The following PRSS56 variants were observed in gnomAD, a reference collection of about 807,000 sequenced individuals.
PRSS56 encodes the protein protease, serine 56.
A neutral mutation model predicts 66.8 loss-of-function variants in PRSS56; 55 were observed. The observed-to-expected ratio is 0.82, with a 90% CI of 0.66 to 1.03. PRSS56 has a LOEUF of 1.03. Among genes scored for constraint, PRSS56 ranks in the 50% least tolerant of loss-of-function variants. The pLI, the probability that PRSS56 is intolerant of heterozygous loss-of-function variation, is 0.00. For missense variants in PRSS56, 869 were observed against 837.2 expected (o/e 1.04, Z -0.47); for synonymous variants, 409 against 387.9 (o/e 1.05, Z -0.64).
In PRSS56 at chr2:232,523,072, C is replaced by G; in HGVS notation, c.719C>G (p.Ala240Gly). 6.5e-7 allele frequency: 1 copy of G among 1,535,080 alleles called. No homozygotes were observed. The highest frequency in any genetic ancestry group is 8.7e-7 in the Non-Finnish European group (1 of 1,146,338). The change falls in exon 7 of 13, where the codon GCT becomes GGT. Residue 240 changes from alanine (A) to glycine (G), a missense_variant. This residue lies in a region of PRSS56 where 551 missense variants were observed against 506.9 expected (regional missense o/e 1.09). Coordinates refer to ENST00000617714, the MANE Select transcript of PRSS56 (RefSeq NM_001195129.2). The part of the protein sequence containing the change: ...WGALFEDGPE[A>G]EAVREARVPL... ...CCCTTCCCTGCAGACGGGCCTGAGG[C>G]TGAAGCAGTGAGAGAGGCCCGTGTT...
At chr2:232,522,184 C>A in intron 4 of PRSS56, 24 bp downstream of exon 4, 1 of 1,445,952 alleles carries the variant, frequency 6.9e-7, no homozygotes, top group Non-Finnish European at 9.1e-7. Context: ...CCAGGCCTTG[C>A]CCAGCTGGGG....
At position 232,523,335 on chromosome 2, in the gene PRSS56, T is replaced by C. The variant is rs530635808; in HGVS notation, c.850-81T>C. The C allele has an allele frequency of 3.8e-5, 54 of 1,423,846 alleles. 1 individual carries two copies. In the South Asian group the frequency reaches 8.1e-4, roughly 21 times the overall value. The allele number at this position is 1,423,846 out of a possible 1,614,324, so 88.2% of individuals were successfully genotyped here. A position where few individuals can be genotyped will look rare whatever the true frequency, so the allele number is the denominator to read the frequency against. On this transcript the variant is annotated intron_variant, in intron 7 of 12. Coordinates refer to ENST00000617714, the MANE Select transcript of PRSS56 (RefSeq NM_001195129.2). Reference sequence around the variant, plus strand: ...TCCTCATCCCTAAAATGGACACAAGTGGCAAGCTCACACCTGCCAGGCGTA... The same window carrying C: ...TCCTCATCCCTAAAATGGACACAAGCGGCAAGCTCACACCTGCCAGGCGTA...
chr2:232,525,597 C>T lies in PRSS56; in HGVS notation c.*91C>T. On this transcript the variant is annotated 3_prime_UTR_variant, in exon 13 of 13. Transcript: ENST00000617714. ...AGCATAATGACAAACTGTCGCTGCC[C>T]CAGTGGCTGGGTGTGTGTGGGTGGG... 9.3e-7 allele frequency: 1 copy of T among 1,071,624 alleles called. No homozygotes were observed. Among genetic ancestry groups the T allele is most frequent in the South Asian group, 1.9e-5 (1 of 53,820 alleles). The allele number at this position is 1,071,624 out of a possible 1,614,324, so 66.4% of individuals were successfully genotyped here. A position where few individuals can be genotyped will look rare whatever the true frequency, so the allele number is the denominator to read the frequency against.
chr2:232,521,906 G>C (rs763247010), intron 3 of PRSS56, 40 bp downstream of exon 3: 2 of 1,529,342 alleles, frequency 1.3e-6, no homozygotes, highest in Admixed American at 2.0e-5. Context: ...CCTGAGAGCC[G>C]GGTGGGCCTC....
At chr2:232,521,524 T>C (rs1691276757) in intron 2 of PRSS56, 96 bp downstream of exon 2, 3 of 1,019,120 alleles carry the variant, frequency 2.9e-6, no homozygotes, top group Admixed American at 4.0e-5. Flanking sequence ...CACTCTCCTC[T>C]TGGGGGCAGA....
At position 232,522,523 on chromosome 2, in the gene PRSS56, A is replaced by C; in HGVS notation, c.455A>C (p.Asn152Thr). The C allele has an allele frequency of 6.5e-7, 1 of 1,530,888 alleles. No homozygotes were observed. The highest frequency in any genetic ancestry group is 1.4e-5 in the African/African-American group (1 of 72,756). The allele number at this position is 1,530,888 out of a possible 1,614,324, so 94.8% of individuals were successfully genotyped here. The change falls in exon 5 of 13, where the codon AAT becomes ACT. Residue 152 changes from asparagine to threonine, a missense_variant. Asn to Thr is a moderately conservative substitution (Grantham distance 65). Around this residue, in one of 3 missense-constraint regions of PRSS56, gnomAD observed 315 missense variants for 313.7 expected, o/e 1.00. Coordinates refer to ENST00000617714, the MANE Select transcript of PRSS56 (RefSeq NM_001195129.2). ...TAAHCFVGAPNELLWTVTLAE... is the reference protein window; with the variant it reads ...TAAHCFVGAPTELLWTVTLAE... ...TGCCGCTCGACCCGCAGCGCCCCGA[A>C]TGAGCTTCTGTGGACTGTGACGCTG...
intron 4 of PRSS56, 145 bp downstream of exon 4, chr2:232,522,305 G>A (rs1691297988): frequency 3.3e-6 from 3 of 903,266 alleles, no homozygotes; most frequent in Non-Finnish European, 4.5e-6. Flanking sequence ...CCATCTCAAG[G>A]CGCCGCGCCC....
chr2:232,522,586 C>T lies in PRSS56; in HGVS notation c.518C>T (p.Pro173Leu). Residue 173 changes from proline (P) to leucine (L), a missense_variant, in exon 5 of 13, where the codon CCA (proline) becomes CTA (leucine). Coordinates refer to ENST00000617714, the MANE Select transcript of PRSS56 (RefSeq NM_001195129.2). ...CGGGGGGAGCAAGCGGAGGAGGTGC[C>T]AGTGAACCGCATCCTGCCCCACCCC... The part of the protein sequence containing the change: ...GSRGEQAEEV[P>L]VNRILPHPKF... 1 of 1,535,452 alleles carries T rather than the reference C, an allele frequency of 6.5e-7. No homozygotes were observed. The highest frequency in any genetic ancestry group is 8.7e-7 in the Non-Finnish European group (1 of 1,146,568).
In PRSS56 at chr2:232,525,676, T is replaced by C. The variant is rs1479907188; in HGVS notation, c.*170T>C. 1 of 546,782 alleles carries C rather than the reference T, an allele frequency of 1.8e-6. No individual in the cohort carries two copies. Among genetic ancestry groups the C allele is most frequent in the African/African-American group, 1.9e-5 (1 of 51,440 alleles). 33.9% of individuals were successfully genotyped at this position (546,782 alleles called of 1,614,324 possible). A position where few individuals can be genotyped will look rare whatever the true frequency, so the allele number is the denominator to read the frequency against. Reference sequence around the variant, plus strand: ...TCTTCCCAGGTTTACAATCAGAGAATCACAGCTGCTTTAATAAATGTTATT... The same window carrying C: ...TCTTCCCAGGTTTACAATCAGAGAACCACAGCTGCTTTAATAAATGTTATT... On this transcript the variant is annotated 3_prime_UTR_variant, in exon 13 of 13. Coordinates refer to ENST00000617714, the MANE Select transcript of PRSS56 (RefSeq NM_001195129.2).
At position 232,525,588 on chromosome 2, in the gene PRSS56, G is replaced by A; in HGVS notation, c.*82G>A. ...GGGTTCGGGAGCATAATGACAAACT[G>A]TCGCTGCCCCAGTGGCTGGGTGTGT... On this transcript the variant is annotated 3_prime_UTR_variant, in exon 13 of 13. Coordinates refer to ENST00000617714, the MANE Select transcript of PRSS56 (RefSeq NM_001195129.2). 2 of 1,190,410 alleles carry A rather than the reference G, an allele frequency of 1.7e-6. No homozygotes were observed. The highest frequency in any genetic ancestry group is 2.2e-6 in the Non-Finnish European group (2 of 894,162). The allele number at this position is 1,190,410 out of a possible 1,614,324, so 73.7% of individuals were successfully genotyped here. A position where few individuals can be genotyped will look rare whatever the true frequency, so the allele number is the denominator to read the frequency against.
chr2:232,523,239 C>T, intron 7 of PRSS56, 37 bp downstream of exon 7: 1 of 1,427,510 alleles, frequency 7.0e-7, no homozygotes, highest in Non-Finnish European at 9.1e-7. Flanking sequence ...GCCGGCTGAG[C>T]CTTCCCAGGG....
chr2:232,522,957 C>T (rs1365834792), intron 6 of PRSS56, 96 bp downstream of exon 6: 1 of 1,451,674 alleles, frequency 6.9e-7, no homozygotes, highest in African/African-American at 1.4e-5. Context: ...AAAATGCTGC[C>T]TGCTCTTTCA....
Position 232,525,352 on chromosome 2 carries a change from G to A in PRSS56, c.1658G>A (p.Arg553Gln), listed in dbSNP as rs973130646. 19 of 1,531,388 alleles carry A rather than the reference G, an allele frequency of 1.2e-5. No individual in the cohort carries two copies. Among genetic ancestry groups the A allele is most frequent in the African/African-American group, 2.7e-5 (2 of 72,918 alleles). 94.9% of individuals were successfully genotyped at this position (1,531,388 alleles called of 1,614,324 possible). Reference protein sequence around the residue: ...EPATLARSLPRLLVQALQAFR... With the variant: ...EPATLARSLPQLLVQALQAFR... ...GCCACACTGGCTCGCAGCCTCCCCC[G>A]GCTGCTGGTGCAGGCCCTGCAGGCC... The change falls in exon 13 of 13, where the codon CGG (arginine) becomes CAG (glutamine). Residue 553 changes from arginine to glutamine, a missense_variant. Physicochemically the swap from Arg to Gln is conservative, Grantham distance 43. Around this residue, in one of 3 missense-constraint regions of PRSS56, gnomAD observed 551 missense variants for 506.9 expected, o/e 1.09. Transcript: ENST00000617714.
At position 232,523,404 on chromosome 2, in the gene PRSS56, T is replaced by C; in HGVS notation, c.850-12T>C. On this transcript the variant is annotated splice_polypyrimidine_tract_variant and intron_variant, in intron 7 of 12. Coordinates refer to ENST00000617714, the MANE Select transcript of PRSS56 (RefSeq NM_001195129.2). Reference sequence around the variant, plus strand: ...GCAGGTGAATGCAGCGTCCTCTCTCTTGGCCCCGCAGGGTGACTCGGGAGG... The same window carrying C: ...GCAGGTGAATGCAGCGTCCTCTCTCCTGGCCCCGCAGGGTGACTCGGGAGG... The C allele has an allele frequency of 7.0e-7, 1 of 1,438,480 alleles. No individual in the cohort carries two copies. The allele number at this position is 1,438,480 out of a possible 1,614,324, so 89.1% of individuals were successfully genotyped here.
chr2:232,522,080 G>A lies in PRSS56; in HGVS notation c.366G>A (p.Leu122=). The A allele has an allele frequency of 6.6e-7, 1 of 1,517,130 alleles. No individual in the cohort carries two copies. Among genetic ancestry groups the A allele is most frequent in the Non-Finnish European group, 8.8e-7 (1 of 1,139,186 alleles). The allele number at this position is 1,517,130 out of a possible 1,614,324, so 94.0% of individuals were successfully genotyped here. The part of the protein sequence containing the change: ...PPGAWPWLVR[L]QLGGQPLCGG... ...GGGCCTGGCCCTGGCTGGTGAGGCT[G>A]CAGCTCGGCGGGCAGCCTCTGTGCG... Residue 122 remains leucine (L), a synonymous_variant, in exon 4 of 13, where the codon CTG becomes CTA. Transcript: ENST00000617714.
In PRSS56 at chr2:232,521,361, G is replaced by A. The variant is rs529445698; in HGVS notation, c.138G>A (p.Gln46=). 1 of 1,536,154 alleles carries A rather than the reference G, an allele frequency of 6.5e-7. No individual in the cohort carries two copies. The highest frequency in any genetic ancestry group is 1.4e-5 in the African/African-American group (1 of 73,182). The change falls in exon 2 of 13, where the codon CAG becomes CAA. Residue 46 remains glutamine, a synonymous_variant. Transcript: ENST00000617714. ...GGACTCAGGCGTTGCAGGCAGCCCA[G>A]AGGAGCGCCCAGTGGGCAATAAACC... The part of the protein sequence containing the change: ...AQGTQALQAA[Q]RSAQWAINRV...
chr2:232,522,289 G>C (rs1691297588), intron 4 of PRSS56, 129 bp downstream of exon 4: 1 of 1,001,378 alleles, frequency 1.0e-6, no homozygotes. Flanking sequence ...CCGGCCCCGG[G>C]CTTCCCCATC....
Position 232,523,960 on chromosome 2 carries a change from C to CCCGGA in PRSS56, c.1186+18_1186+22dup. 1 of 1,515,156 alleles carries CCCGGA rather than the reference C, an allele frequency of 6.6e-7. No homozygotes were observed. The highest frequency in any genetic ancestry group is 2.0e-5 in the Admixed American group (1 of 48,930). 93.9% of individuals were successfully genotyped at this position (1,515,156 alleles called of 1,614,324 possible). A position where few individuals can be genotyped will look rare whatever the true frequency, so the allele number is the denominator to read the frequency against. The stretch of plus-strand genomic sequence containing the variant: ...GCGGCGATGCGGTCAGTTCTGTTCA[C>CCCGGA]CCGGACCCGGACGGGGGGCAGAGGG... On this transcript the variant is annotated intron_variant, in intron 9 of 12. Coordinates refer to ENST00000617714, the MANE Select transcript of PRSS56 (RefSeq NM_001195129.2).
In PRSS56 at chr2:232,525,550, C is replaced by T; in HGVS notation, c.*44C>T. The T allele has an allele frequency of 2.4e-6, 3 of 1,254,066 alleles. No homozygotes were observed. Among genetic ancestry groups the T allele is most frequent in the East Asian group, 7.7e-5 (2 of 25,914 alleles). The allele number at this position is 1,254,066 out of a possible 1,614,324, so 77.7% of individuals were successfully genotyped here. ...GCCCCTGGGGAGGACCTACTGCTCC[C>T]AGGGGCTGAGAGGGGTTCGGGAGCA... On this transcript the variant is annotated 3_prime_UTR_variant, in exon 13 of 13. Transcript: ENST00000617714.
Sources: allele counts gnomAD v4.1 joint callset, GRCh38; gene constraint gnomAD v4.1.1; regional missense constraint gnomAD v4.1.1; transcripts MANE v1.5; gene names NCBI Gene and HGNC (gene_info 2026-07-23, HGNC 2026-07-21).